The following PRIM2 variants were observed in gnomAD, a reference collection of about 807,000 sequenced individuals.
The protein encoded by PRIM2 is DNA primase large subunit.
Under a neutral mutation model 67.3 loss-of-function variants are expected in PRIM2, and 39 were observed. The ratio of observed to expected loss-of-function variants is 0.58; its 90% CI spans 0.45 to 0.76. The LOEUF is 0.76. Ranked by LOEUF, PRIM2 falls within the 30% of genes least tolerant of loss-of-function variation. The pLI is 0.00. For synonymous variants in PRIM2, 143 were observed against 198.7 expected (o/e 0.72, Z 2.36); for missense variants, 398 against 598.7 (o/e 0.66, Z 3.50).
At chr6:57,635,310 G>C (rs1777100956) in intron 13 of PRIM2, among the ~76,000 whole-genome samples, 1 of 152,198 alleles carries the variant, frequency 6.6e-6, no homozygotes, top group South Asian at 2.1e-4. Context: ...CCATGTTTGT[G>C]TGAAGGTCAT....
intron 7 of PRIM2, among the ~76,000 whole-genome samples, chr6:57,451,046 T>G (rs1772527195): frequency 6.6e-6 from 1 of 152,192 alleles, no homozygotes; most frequent in Non-Finnish European, 1.5e-5. Flanking sequence ...TGATATTTAG[T>G]AGGAGCTATT....
chr6:57,450,713 A>G (rs1347492065), intron 7 of PRIM2, among the ~76,000 whole-genome samples: 1 of 152,206 alleles, frequency 6.6e-6, no homozygotes, highest in African/African-American at 2.4e-5. Flanking sequence ...GCAGTAAGTG[A>G]TTTATAAAGC....
chr6:57,439,790 G>A (rs552500723), intron 7 of PRIM2, among the ~76,000 whole-genome samples: 184 of 152,170 alleles, frequency 1.2e-3, no homozygotes, highest in Non-Finnish European at 2.2e-3. Context: ...TAAAGCACAT[G>A]CCCAAATTTT....
At chr6:57,503,918 A>C (rs1774198424) in intron 7 of PRIM2, among the ~76,000 whole-genome samples, 1 of 152,190 alleles carries the variant, frequency 6.6e-6, no homozygotes, top group Non-Finnish European at 1.5e-5. Flanking sequence ...CCAAATCCCA[A>C]ATGATGTGAA....
intron 7 of PRIM2, chr6:57,505,477 G>A (rs1774231087): frequency 6.6e-6 from 1 of 152,146 alleles, no homozygotes; most frequent in African/African-American, 2.4e-5. Context: ...ATCATTCTGT[G>A]CCTATTGTTT....
intron 7 of PRIM2, among the ~76,000 whole-genome samples, chr6:57,384,172 G>A (rs1770055998): frequency 1.3e-5 from 2 of 152,102 alleles, no homozygotes; most frequent in Non-Finnish European, 2.9e-5. Flanking sequence ...TTTCTATATA[G>A]CATACTATCT....
intron 7 of PRIM2, among the ~76,000 whole-genome samples, chr6:57,454,991 G>T (rs908699599): frequency 6.6e-6 from 1 of 151,998 alleles, no homozygotes; most frequent in Non-Finnish European, 1.5e-5. Flanking sequence ...TTGTGTCTTT[G>T]TTCTCATTGG....
chr6:57,229,025 T>C, the PRIM2 span, among the ~76,000 whole-genome samples: 3 of 152,218 alleles, frequency 2.0e-5, no homozygotes, highest in African/African-American at 4.8e-5. Flanking sequence ...TATCTTTTTC[T>C]CCTCCTTGCT....
At chr6:57,504,388 C>G (rs1279354426) in intron 7 of PRIM2, among the ~76,000 whole-genome samples, 1 of 152,072 alleles carries the variant, frequency 6.6e-6, no homozygotes, top group Non-Finnish European at 1.5e-5. Context: ...CCCAGTAATA[C>G]TAATTTTTAA....
chr6:57,499,963 G>A (rs1355204842), intron 7 of PRIM2, among the ~76,000 whole-genome samples: 1 of 152,080 alleles, frequency 6.6e-6, no homozygotes, highest in East Asian at 1.9e-4. Context: ...TATATATTTA[G>A]TTACCTCTTA....
At chr6:57,290,915 A>G in the PRIM2 span, among the ~76,000 whole-genome samples, 1 of 152,200 alleles carries the variant, frequency 6.6e-6, no homozygotes, top group Non-Finnish European at 1.5e-5. Context: ...TCTAAAATGG[A>G]CACCCTAACA....
chr6:57,317,501 GAA>G (rs1767515052), upstream of PRIM2: 3 of 152,650 alleles, frequency 2.0e-5, no homozygotes, highest in Admixed American at 6.5e-5. Context: ...AAGGTGGACG[GAA>G]CACCTTGAAT....
chr6:57,578,014 C>T (rs1775994386), intron 10 of PRIM2, among the ~76,000 whole-genome samples: 2 of 152,140 alleles, frequency 1.3e-5, no homozygotes, highest in African/African-American at 4.8e-5. Flanking sequence ...TAGTCTGTGA[C>T]AATTTCTCAG....
At chr6:57,246,975 C>T in the PRIM2 span, among the ~76,000 whole-genome samples, 5 of 152,068 alleles carry the variant, frequency 3.3e-5, no homozygotes, top group African/African-American at 1.2e-4. Flanking sequence ...CTGCCTCAGC[C>T]TCCCGAGTAG....
intron 10 of PRIM2, among the ~76,000 whole-genome samples, chr6:57,593,133 A>G (rs1269065017): frequency 1.8e-4 from 27 of 152,104 alleles, no homozygotes; most frequent in African/African-American, 5.8e-4. Context: ...GCATATTGGT[A>G]TATTGCCAGT....
intron 5 of PRIM2, among the ~76,000 whole-genome samples, chr6:57,369,975 T>C (rs1228870054): frequency 1.3e-5 from 2 of 152,336 alleles, no homozygotes; most frequent in East Asian, 1.9e-4. Context: ...TTGTACACAC[T>C]TTACATACTT....
chr6:57,620,377 C>G (rs1356974488), intron 12 of PRIM2, among the ~76,000 whole-genome samples: 273 of 152,250 alleles, frequency 1.8e-3, no homozygotes, highest in African/African-American at 6.4e-3. Context: ...AGCAGAAACC[C>G]TATAAGCTAG....
the PRIM2 span, among the ~76,000 whole-genome samples, chr6:57,259,405 C>T: frequency 6.6e-6 from 1 of 152,162 alleles, no homozygotes; most frequent in East Asian, 1.9e-4. Flanking sequence ...TGCAAGGTCT[C>T]TTAAGGCCTA....
chr6:57,599,882 C>T (rs1776429015), intron 10 of PRIM2, among the ~76,000 whole-genome samples: 1 of 152,174 alleles, frequency 6.6e-6, no homozygotes, highest in Admixed American at 6.5e-5. Context: ...GACTGCAATG[C>T]CACGATCATA....
Sources: allele counts gnomAD v4.1 joint callset (sites outside exome capture counted in the v4.1 genomes callset), GRCh38; gene constraint gnomAD v4.1.1; transcripts MANE v1.5; gene names NCBI Gene and HGNC (gene_info 2026-07-23, HGNC 2026-07-21).